The following EYS variants were observed in gnomAD, a reference collection of about 807,000 sequenced individuals.
EYS encodes protein eyes shut homolog.
In EYS, 250 loss-of-function variants were observed where a neutral mutation model predicts 282.1. The observed-to-expected ratio is 0.89, with a 90% CI of 0.80 to 0.98. EYS has a LOEUF of 0.98. Among genes scored for constraint, EYS ranks in the 50% least tolerant of loss-of-function variants. The pLI is 0.00. For missense variants in EYS, 4,016 were observed against 3,709.0 expected, an observed-to-expected ratio of 1.08 and a Z score of -2.15; for synonymous variants, 1,355 against 1,282.9, an observed-to-expected ratio of 1.06 and a Z score of -1.20.
At chr6:65,519,705 T>TC (rs1767283356) in intron 2 of EYS, among the ~76,000 whole-genome samples, 1 of 50,354 alleles carries the variant, frequency 2.0e-5, no homozygotes, top group Non-Finnish European at 3.3e-5. Flanking sequence ...TATATATATA[T>TC]ATATTTTTTT....
intron 1 of EYS, among the ~76,000 whole-genome samples, chr6:65,688,278 G>A (rs1392414699): frequency 1.3e-5 from 2 of 151,942 alleles, no homozygotes; most frequent in African/African-American, 4.8e-5. Flanking sequence ...AAATAATGCT[G>A]CATATCTACA....
At position 64,256,525 on chromosome 6, in the gene EYS, C is replaced by T. The variant is rs76413796; in HGVS notation, c.6192-25701G>A. Among the ~76,000 whole-genome samples, 1,288 of 152,092 alleles carry T rather than the reference C, an allele frequency of 8.5e-3. 19 individuals are homozygous for T. The highest frequency in any genetic ancestry group is 0.046 in the East Asian group (239 of 5,164). On this transcript the variant is annotated intron_variant, in intron 30 of 42. Coordinates refer to ENST00000503581, the MANE Select transcript of EYS (RefSeq NM_001142800.2). ...GGATTTGGCTACTATTGTCTTTCAA[C>T]ACTACCAGTTTTCTTTTTATTGCTA... is the stretch of plus-strand genomic sequence containing the variant.
chr6:65,270,314 CT>C (rs775712523), intron 12 of EYS, among the ~76,000 whole-genome samples: 1 of 152,164 alleles, frequency 6.6e-6, no homozygotes, highest in Non-Finnish European at 1.5e-5. Flanking sequence ...GATGCTCTTC[CT>C]TCTGATTCCA....
chr6:64,437,048 C>T (rs951332719), intron 27 of EYS, among the ~76,000 whole-genome samples: 4 of 151,706 alleles, frequency 2.6e-5, no homozygotes, highest in Admixed American at 6.6e-5. Flanking sequence ...TACCCAAATC[C>T]TCTCACATAT....
intron 7 of EYS, among the ~76,000 whole-genome samples, chr6:65,402,180 A>G (rs1289673425): frequency 6.6e-6 from 1 of 151,784 alleles, no homozygotes; most frequent in African/African-American, 2.4e-5. Flanking sequence ...TTTTCTTTCT[A>G]GATCTTCAAT....
intron 19 of EYS, among the ~76,000 whole-genome samples, chr6:64,829,590 T>A (rs565266708): frequency 6.6e-6 from 1 of 152,078 alleles, no homozygotes; most frequent in South Asian, 2.1e-4. Flanking sequence ...AGCAATCAGA[T>A]AACGATAGAT....
chr6:64,047,701 A>G (rs1273220003), intron 33 of EYS, among the ~76,000 whole-genome samples: 1 of 152,132 alleles, frequency 6.6e-6, no homozygotes, highest in Non-Finnish European at 1.5e-5. Flanking sequence ...TCCTTGCACA[A>G]TTCTGTGAGG....
intron 19 of EYS, among the ~76,000 whole-genome samples, chr6:64,858,009 G>T (rs1220226844): frequency 1.3e-5 from 2 of 152,028 alleles, no homozygotes; most frequent in Admixed American, 1.3e-4. Context: ...CTCCTTATCA[G>T]ATGTATGATT....
chr6:64,589,043 G>C (rs9452073), intron 26 of EYS, among the ~76,000 whole-genome samples: 1 of 151,982 alleles, frequency 6.6e-6, no homozygotes, highest in Admixed American at 6.6e-5. Flanking sequence ...AATTGTTTGA[G>C]AGACGTTTTA....
intron 12 of EYS, among the ~76,000 whole-genome samples, chr6:65,223,802 G>C (rs893014308): frequency 1.7e-4 from 26 of 152,250 alleles, no homozygotes; most frequent in African/African-American, 6.3e-4. Context: ...AAATTGGCAG[G>C]CTGCTTTTCA....
chr6:64,338,028 G>A (rs1770922888), intron 29 of EYS, among the ~76,000 whole-genome samples: 1 of 151,968 alleles, frequency 6.6e-6, no homozygotes, highest in Non-Finnish European at 1.5e-5. Flanking sequence ...ACATAATACT[G>A]GATGGGGAAA....
intron 28 of EYS, among the ~76,000 whole-genome samples, chr6:64,435,604 C>A (rs1774715980): frequency 6.7e-6 from 1 of 150,172 alleles, no homozygotes; most frequent in African/African-American, 2.5e-5. Flanking sequence ...AGGCACATAA[C>A]AAAAAAGCAT....
At chr6:64,271,435 T>G (rs1272973653) in intron 30 of EYS, among the ~76,000 whole-genome samples, 1 of 152,060 alleles carries the variant, frequency 6.6e-6, no homozygotes, top group African/African-American at 2.4e-5. Flanking sequence ...CTTTAAAAGG[T>G]TTTTTTGGGA....
intron 12 of EYS, among the ~76,000 whole-genome samples, chr6:65,133,303 C>A (rs568941363): frequency 4.0e-5 from 6 of 151,682 alleles, no homozygotes; most frequent in African/African-American, 1.2e-4. Flanking sequence ...ACAACAACAA[C>A]AAAAAACACC....
intron 41 of EYS, chr6:63,744,349 G>T (rs1433193303): frequency 3.3e-5 from 5 of 152,036 alleles, no homozygotes; most frequent in African/African-American, 4.8e-5. Flanking sequence ...TAAGTTACAG[G>T]CTGGCACATT....
chr6:65,362,910 A>C (rs1365985575), intron 8 of EYS, among the ~76,000 whole-genome samples: 1 of 152,074 alleles, frequency 6.6e-6, no homozygotes, highest in Non-Finnish European at 1.5e-5. Context: ...AAAATTAGAA[A>C]AGTTATGGGA....
At chr6:64,652,734 T>C (rs538685462) in intron 22 of EYS, among the ~76,000 whole-genome samples, 3 of 152,282 alleles carry the variant, frequency 2.0e-5, no homozygotes, top group East Asian at 3.9e-4. Flanking sequence ...TCATTTATGA[T>C]AGCAAGTAAA....
At chr6:65,386,131 C>A (rs1196166382) in intron 7 of EYS, among the ~76,000 whole-genome samples, 2 of 150,698 alleles carry the variant, frequency 1.3e-5, no homozygotes, top group South Asian at 2.1e-4. Flanking sequence ...GAACACTGGG[C>A]AGCAGCAACT....
chr6:64,811,919 A>C (rs187623668), intron 22 of EYS, among the ~76,000 whole-genome samples: 1 of 152,172 alleles, frequency 6.6e-6, no homozygotes, highest in Admixed American at 6.6e-5. Context: ...AACAGATTGT[A>C]AAAATACACA....
Sources: allele counts gnomAD v4.1 joint callset (sites outside exome capture counted in the v4.1 genomes callset), GRCh38; gene constraint gnomAD v4.1.1; transcripts MANE v1.5; gene names NCBI Gene and HGNC (gene_info 2026-07-23, HGNC 2026-07-21).